The following ADAMTS16 variants were observed in gnomAD, a reference collection of about 807,000 sequenced individuals.
ADAMTS16 encodes the protein A disintegrin and metalloproteinase with thrombospondin motifs 16.
Under a neutral mutation model 145.8 loss-of-function variants are expected in ADAMTS16, and 94 were observed. That is an observed-to-expected ratio of 0.64 (90% confidence interval 0.55 to 0.77). The LOEUF is 0.77. ADAMTS16 is among the 30% of genes least tolerant of loss of function. The pLI is 0.00. For missense variants in ADAMTS16, 1,585 were observed against 1,591.5 expected, an observed-to-expected ratio of 1.00 and a Z score of 0.07; for synonymous variants, 659 against 604.3, an observed-to-expected ratio of 1.09 and a Z score of -1.33.
chr5:5,276,768 A>G (rs1172511541), intron 18 of ADAMTS16, among the ~76,000 whole-genome samples: 2 of 152,196 alleles, frequency 1.3e-5, no homozygotes, highest in East Asian at 3.8e-4. Flanking sequence ...AACAGGACCC[A>G]GCACAACTGG....
chr5:5,193,825 C>T (rs1052198703), intron 8 of ADAMTS16, among the ~76,000 whole-genome samples: 12 of 152,140 alleles, frequency 7.9e-5, no homozygotes, highest in African/African-American at 2.9e-4. Flanking sequence ...AGAAGCCAGT[C>T]GGGCGTGGTG....
intron 3 of ADAMTS16, among the ~76,000 whole-genome samples, chr5:5,160,368 G>A (rs10067690): frequency 0.13 from 19,115 of 152,058 alleles, 1,267 homozygotes; most frequent in Non-Finnish European, 0.13. Context: ...CAGTAGTTCA[G>A]TATATTGTCC....
chr5:5,193,199 G>C (rs150094888), intron 8 of ADAMTS16, among the ~76,000 whole-genome samples: 1 of 152,206 alleles, frequency 6.6e-6, no homozygotes, highest in South Asian at 2.1e-4. Context: ...GTATGTTTGC[G>C]TGTGTATACA....
intron 9 of ADAMTS16, among the ~76,000 whole-genome samples, chr5:5,205,245 TA>T (rs964048580): frequency 3.9e-5 from 6 of 152,148 alleles, no homozygotes; most frequent in African/African-American, 1.4e-4. Context: ...CAGAAATTTT[TA>T]TTTTTTTAAT....
chr5:5,258,073 C>T (rs1438911724), intron 17 of ADAMTS16, among the ~76,000 whole-genome samples: 1 of 152,184 alleles, frequency 6.6e-6, no homozygotes, highest in Non-Finnish European at 1.5e-5. Flanking sequence ...TTGGGATGTG[C>T]ACCCCCACCA....
At chr5:5,236,633 T>C (rs1737115107) in intron 13 of ADAMTS16, among the ~76,000 whole-genome samples, 1 of 152,040 alleles carries the variant, frequency 6.6e-6, no homozygotes, top group Non-Finnish European at 1.5e-5. Flanking sequence ...TTTGGATTTC[T>C]ACAAGATAGT....
intron 8 of ADAMTS16, among the ~76,000 whole-genome samples, chr5:5,192,382 C>T (rs1016592043): frequency 6.6e-6 from 1 of 152,166 alleles, no homozygotes; most frequent in Non-Finnish European, 1.5e-5. Context: ...ACAGGGGACT[C>T]TAAATGATGA....
intron 18 of ADAMTS16, among the ~76,000 whole-genome samples, chr5:5,297,923 G>T (rs1739613104): frequency 6.6e-6 from 1 of 152,220 alleles, no homozygotes; most frequent in Admixed American, 6.5e-5. Flanking sequence ...TGAAGAAAAT[G>T]AAGTGACTGT....
At chr5:5,308,776 C>G (rs1162382882) in intron 21 of ADAMTS16, among the ~76,000 whole-genome samples, 1 of 152,058 alleles carries the variant, frequency 6.6e-6, no homozygotes, top group Non-Finnish European at 1.5e-5. Flanking sequence ...TGGTGAAACC[C>G]TGTCTCTACT....
intron 2 of ADAMTS16, chr5:5,142,252 T>C (rs1734188505): frequency 6.6e-6 from 1 of 152,224 alleles, no homozygotes; most frequent in African/African-American, 2.4e-5. Flanking sequence ...AGTGATTCAA[T>C]CTGCTTCAGC....
In ADAMTS16 at chr5:5,146,258, A is replaced by G; in HGVS notation, c.304A>G (p.Lys102Glu). Reference sequence around the variant, plus strand: ...GGTTGAGTCTCTTCACCTTCGGCTGAAAGGCTCCAGGCACGACTTCCACAT... The same window carrying G: ...GGTTGAGTCTCTTCACCTTCGGCTGGAAGGCTCCAGGCACGACTTCCACAT... ...SEVESLHLRL[K>E]GSRHDFHMDL... The change falls in exon 3 of 23, where the codon AAA becomes GAA. Residue 102 changes from lysine (K) to glutamate (E), a missense_variant. This residue lies in a region of ADAMTS16 where 453 missense variants were observed against 412.1 expected (regional missense o/e 1.10). Coordinates refer to ENST00000274181, the MANE Select transcript of ADAMTS16 (RefSeq NM_139056.4). 6.2e-7 allele frequency: 1 copy of G among 1,614,188 alleles called. No individual in the cohort carries two copies. The highest frequency in any genetic ancestry group is 8.5e-7 in the Non-Finnish European group (1 of 1,180,016).
chr5:5,286,038 C>A (rs2126479772), intron 18 of ADAMTS16, among the ~76,000 whole-genome samples: 1 of 152,290 alleles, frequency 6.6e-6, no homozygotes, highest in African/African-American at 2.4e-5. Flanking sequence ...CCTAAACTAC[C>A]CAGATGCTGC....
chr5:5,179,438 C>T (rs2126555772), intron 3 of ADAMTS16, among the ~76,000 whole-genome samples: 1 of 152,126 alleles, frequency 6.6e-6, no homozygotes, highest in Non-Finnish European at 1.5e-5. Flanking sequence ...GGTTTAATAC[C>T]TAAACTGGTT....
At chr5:5,261,441 C>G (rs1738019662) in intron 17 of ADAMTS16, among the ~76,000 whole-genome samples, 1 of 151,382 alleles carries the variant, frequency 6.6e-6, no homozygotes, top group African/African-American at 2.4e-5. Flanking sequence ...CCTGGCCCTG[C>G]ATTCACTCTT....
intron 16 of ADAMTS16, 32 bp downstream of exon 16, chr5:5,239,957 G>T: frequency 6.2e-7 from 1 of 1,609,406 alleles, no homozygotes; most frequent in South Asian, 1.1e-5. Context: ...TTGGGGCTTG[G>T]ATTTTGGGGG....
At chr5:5,151,264 A>C (rs971551227) in intron 3 of ADAMTS16, among the ~76,000 whole-genome samples, 2 of 149,630 alleles carry the variant, frequency 1.3e-5, no homozygotes, top group Admixed American at 1.3e-4. Context: ...ATTGAGCTGG[A>C]GTCTCACCCT....
intron 18 of ADAMTS16, among the ~76,000 whole-genome samples, chr5:5,272,360 A>AT (rs11444357): frequency 0.46 from 56,696 of 122,444 alleles, 14,512 homozygotes; most frequent in Non-Finnish European, 0.54. Flanking sequence ...ATTCCAAAGG[A>AT]TTTTTTTTTT....
rs1388981358 is a variant in ADAMTS16, at chr5:5,235,054, A to C, written c.1891A>C (p.Thr631Pro). ...GAAGTTCTGTGAGGGCTCCACTCGC[A>C]CTCTGAAGCTCTGCAACAGTCAGAA... is the stretch of plus-strand genomic sequence containing the variant. ...GGKFCEGSTR[T>P]LKLCNSQKCP... The change falls in exon 13 of 23, where the codon ACT (threonine) becomes CCT (proline). Residue 631 changes from threonine (T) to proline (P), a missense_variant. Physicochemically the swap from Thr to Pro is conservative, Grantham distance 38 (BLOSUM62 -1). Transcript: ENST00000274181. 2 of 1,596,898 alleles carry C rather than the reference A, an allele frequency of 1.3e-6. No individual in the cohort carries two copies.
chr5:5,215,038 C>A (rs1353473859), intron 10 of ADAMTS16, among the ~76,000 whole-genome samples: 1 of 152,046 alleles, frequency 6.6e-6, no homozygotes, highest in Non-Finnish European at 1.5e-5. Flanking sequence ...ATATGCTAAT[C>A]TAGATGATGG....
Sources: gnomAD v4.1 joint callset for allele counts (sites outside exome capture counted in the v4.1 genomes callset) on GRCh38, gnomAD v4.1.1 for gene constraint, gnomAD v4.1.1 regional missense constraint, MANE v1.5 for transcripts, NCBI Gene and HGNC (gene_info 2026-07-23, HGNC 2026-07-21) for gene names.